KIAA1614: variants seen among roughly 807,000 people sequenced by gnomAD.
KIAA1614 encodes the protein KIAA1614.
In KIAA1614, 76 loss-of-function variants were observed where a neutral mutation model predicts 88.7. That is an observed-to-expected ratio of 0.86 (90% confidence interval 0.71 to 1.04). The LOEUF is 1.04. KIAA1614 is among the 50% of genes least tolerant of loss of function. The probability of loss-of-function intolerance (pLI) is 0.00; values close to 1 mark genes in which losing one functional copy is unlikely to be tolerated. For synonymous variants in KIAA1614, 714 were observed against 675.5 expected (o/e 1.06, Z -0.88); for missense variants, 1,553 against 1,582.5 (o/e 0.98, Z 0.32).
At chr1:180,932,664 T>A (rs1654223615) in intron 4 of KIAA1614, among the ~76,000 whole-genome samples, 1 of 152,210 alleles carries the variant, frequency 6.6e-6, no homozygotes, top group African/African-American at 2.4e-5. Context: ...TGCTGAAATC[T>A]CAAAGCAGGC....
intron 1 of KIAA1614, 75 bp downstream of exon 1, chr1:180,913,368 C>T (rs901020056): frequency 1.9e-6 from 2 of 1,027,884 alleles, no homozygotes; most frequent in African/African-American, 3.3e-5. Flanking sequence ...GCGGGGAGCC[C>T]AGGTCGCCCC....
chr1:180,950,260 T>A lies in KIAA1614; in HGVS notation c.*4672T>A. ...CTCCCTGTGCCACACAAACAGCACC[T>A]CATCAACATGGTCAGCATTCCAGAG... On this transcript the variant is annotated 3_prime_UTR_variant, in exon 9 of 9. Transcript: ENST00000367588. 1.0e-6 allele frequency: 1 copy of A among 1,002,312 alleles called. No individual in the cohort carries two copies. The highest frequency in any genetic ancestry group is 1.3e-6 in the Non-Finnish European group (1 of 791,112). The allele number at this position is 1,002,312 out of a possible 1,614,324, so 62.1% of individuals were successfully genotyped here.
chr1:180,934,030 A>G (rs1243608457), intron 4 of KIAA1614, among the ~76,000 whole-genome samples: 1 of 152,198 alleles, frequency 6.6e-6, no homozygotes, highest in Non-Finnish European at 1.5e-5. Flanking sequence ...CGAGGCAGGC[A>G]GATCACCTGA....
rs528895429 is a variant in KIAA1614, at chr1:180,935,006, C to T, written c.1206-109C>T. 3 of 814,940 alleles carry T rather than the reference C, an allele frequency of 3.7e-6. No individual in the cohort carries two copies. The highest frequency in any genetic ancestry group is 3.6e-5 in the African/African-American group (2 of 56,036). The allele number at this position is 814,940 out of a possible 1,614,324, so 50.5% of individuals were successfully genotyped here. Reference sequence around the variant, plus strand: ...GTAACCTTGTGGGTTGCGGTTGCCACAGAGCACGGTGGGAGACTGTAGCCC... The same window carrying T: ...GTAACCTTGTGGGTTGCGGTTGCCATAGAGCACGGTGGGAGACTGTAGCCC... On this transcript the variant is annotated intron_variant, in intron 4 of 8. Transcript: ENST00000367588. The surrounding 1 kb of genome is among the most constrained non-coding windows in gnomAD (Gnocchi z 6.1).
Position 180,916,590 on chromosome 1 carries a change from A to G in KIAA1614, c.487A>G (p.Arg163Gly), listed in dbSNP as rs764625322. 13 of 1,606,120 alleles carry G rather than the reference A, an allele frequency of 8.1e-6. No individual in the cohort carries two copies. The Admixed American group carries it at 2.0e-4, about 25-fold the overall frequency. The change falls in exon 2 of 9, where the codon AGG becomes GGG. Residue 163 changes from arginine (R) to glycine (G), a missense_variant. Physicochemically the swap from Arg to Gly is moderately radical, Grantham distance 125. Transcript: ENST00000367588. ...CAGCATCAATGAGGAGCAACCCGCC[A>G]GGGATGGAGGCCCCAGGCTTCCCAG... is the stretch of plus-strand genomic sequence containing the variant. ...DGSINEEQPA[R>G]DGGPRLPRPP... is the part of the protein sequence containing the mutation.
chr1:180,927,858 C>G (rs1175685076), intron 3 of KIAA1614, among the ~76,000 whole-genome samples: 1 of 152,158 alleles, frequency 6.6e-6, no homozygotes, highest in Non-Finnish European at 1.5e-5. Context: ...TGGATTGGGA[C>G]TAAGGCAAGA....
rs1374775994 is a variant in KIAA1614, at chr1:180,944,718, G to C, written c.3287+202G>C. The C allele has an allele frequency of 2.2e-5, 11 of 493,406 alleles. 1 individual carries two copies. Among genetic ancestry groups the C allele is most frequent in the Middle Eastern group, 1.1e-3 (2 of 1,888 alleles). 30.6% of individuals were successfully genotyped at this position (493,406 alleles called of 1,614,324 possible). A position where few individuals can be genotyped will look rare whatever the true frequency, so the allele number is the denominator to read the frequency against. ...CCTGCATGGACCCTCGGTGCATTGG[G>C]CTCTGAGAAGGCCTGGGGTCGCTGG... On this transcript the variant is annotated intron_variant, in intron 8 of 8. Transcript: ENST00000367588.
At chr1:180,933,767 C>G (rs1225883161) in intron 4 of KIAA1614, among the ~76,000 whole-genome samples, 3 of 152,186 alleles carry the variant, frequency 2.0e-5, no homozygotes, top group Admixed American at 6.5e-5. Flanking sequence ...CTCCCCAGCA[C>G]AGCAGTGCCA....
In KIAA1614 at chr1:180,935,321, G is replaced by A; in HGVS notation, c.1412G>A (p.Arg471His). 2.7e-6 allele frequency: 4 copies of A among 1,478,524 alleles called. No individual in the cohort carries two copies. The East Asian group carries it at 7.5e-5, about 28-fold the overall frequency. The allele number at this position is 1,478,524 out of a possible 1,614,324, so 91.6% of individuals were successfully genotyped here. A position where few individuals can be genotyped will look rare whatever the true frequency, so the allele number is the denominator to read the frequency against. Reference protein sequence around the residue: ...EFRHLERLQQRQRQVLSTVLQ... With the variant: ...EFRHLERLQQHQRQVLSTVLQ... ...CGTCACCTGGAGCGGCTGCAGCAGC[G>A]CCAGCGCCAGGTGCTGAGCACCGTG... The change falls in exon 5 of 9, where the codon CGC becomes CAC. Residue 471 changes from arginine (R) to histidine (H), a missense_variant. Physicochemically the swap from Arg to His is conservative, Grantham distance 29. Transcript: ENST00000367588. This position sits in a 1 kb window ranked among gnomAD's most constrained non-coding sequence, Gnocchi z 6.1.
In KIAA1614 at chr1:180,945,427, C is replaced by T. The variant is rs763116496; in HGVS notation, c.3412C>T (p.Arg1138Cys). The T allele has an allele frequency of 2.5e-6, 4 of 1,608,514 alleles. No individual in the cohort carries two copies. The highest frequency in any genetic ancestry group is 2.2e-5 in the East Asian group (1 of 44,790). Residue 1138 changes from arginine (R) to cysteine (C), a missense_variant, in exon 9 of 9, where the codon CGC becomes TGC. Transcript: ENST00000367588. ...CGGCACCAGCCAGCTGCAGCTGCAG[C>T]GCTCCCCAGGGGGCACTTTCGGCTT... is the stretch of plus-strand genomic sequence containing the variant. Reference protein sequence around the residue: ...PDGTSQLQLQRSPGGTFGFCV... With the variant: ...PDGTSQLQLQCSPGGTFGFCV...
chr1:180,945,407 C>A lies in KIAA1614; in HGVS notation c.3392C>A (p.Thr1131Asn). 1 of 1,605,098 alleles carries A rather than the reference C, an allele frequency of 6.2e-7. No individual in the cohort carries two copies. The highest frequency in any genetic ancestry group is 2.2e-5 in the East Asian group (1 of 44,720). ...GRLVEVFPDGTSQLQLQRSPG... is the reference protein window; with the variant it reads ...GRLVEVFPDGNSQLQLQRSPG... The stretch of plus-strand genomic sequence containing the variant: ...CTGGTGGAGGTGTTCCCAGACGGCA[C>A]CAGCCAGCTGCAGCTGCAGCGCTCC... Residue 1131 changes from threonine (T) to asparagine (N), a missense_variant, in exon 9 of 9, where the codon ACC (threonine) becomes AAC (asparagine). Physicochemically the swap from Thr to Asn is moderately conservative, Grantham distance 65. Transcript: ENST00000367588.
In KIAA1614 at chr1:180,950,456, G is replaced by A. The variant is rs1558076060; in HGVS notation, c.*4868G>A. 4.2e-6 allele frequency: 5 copies of A among 1,177,504 alleles called. No individual in the cohort carries two copies. The highest frequency in any genetic ancestry group is 1.6e-5 in the African/African-American group (1 of 60,696). 72.9% of individuals were successfully genotyped at this position (1,177,504 alleles called of 1,614,324 possible). ...GGCCAAGGTGGCAGGGCTGGGCTTG[G>A]CTCACATTAAGGAGCTCCTGGCCCA... On this transcript the variant is annotated 3_prime_UTR_variant, in exon 9 of 9. Coordinates refer to ENST00000367588, the MANE Select transcript of KIAA1614 (RefSeq NM_020950.2).
Position 180,935,189 on chromosome 1 carries a change from C to A in KIAA1614, c.1280C>A (p.Thr427Lys). The A allele has an allele frequency of 6.7e-7, 1 of 1,483,470 alleles. No homozygotes were observed. The highest frequency in any genetic ancestry group is 1.4e-5 in the South Asian group (1 of 71,574). 91.9% of individuals were successfully genotyped at this position (1,483,470 alleles called of 1,614,324 possible). The change falls in exon 5 of 9, where the codon ACG (threonine) becomes AAG (lysine). Residue 427 changes from threonine (T) to lysine (K), a missense_variant. Transcript: ENST00000367588. This position sits in a 1 kb window ranked among gnomAD's most constrained non-coding sequence, Gnocchi z 6.1. ...AGAGACAGCCTCCAGAACGGGCACA[C>A]GAGCGATTCCTCCAGCGGAGAGTCC... ...ACRDSLQNGH[T>K]SDSSSGESSG...
At chr1:180,941,334 C>T (rs749751263) in intron 7 of KIAA1614, 49 bp downstream of exon 7, 2 of 1,557,210 alleles carry the variant, frequency 1.3e-6, no homozygotes, top group Middle Eastern at 1.7e-4. Flanking sequence ...AGCGGTGCAA[C>T]CACCATCAGA....
chr1:180,924,693 C>T (rs1188585402), intron 3 of KIAA1614, among the ~76,000 whole-genome samples: 1 of 152,064 alleles, frequency 6.6e-6, no homozygotes, highest in Admixed American at 6.5e-5. Context: ...CTGTCAAGGG[C>T]TTTTCAAAGT....
At chr1:180,924,987 T>A (rs2102261730) in intron 3 of KIAA1614, among the ~76,000 whole-genome samples, 1 of 152,172 alleles carries the variant, frequency 6.6e-6, no homozygotes, top group African/African-American at 2.4e-5. Flanking sequence ...TCACTTATCT[T>A]AACAACTGAG....
rs368708029 is a variant in KIAA1614, at chr1:180,945,173, G to A, written c.3288-130G>A. 6.7e-5 allele frequency: 78 copies of A among 1,158,928 alleles called. 1 individual carries two copies. Among genetic ancestry groups the A allele is most frequent in the East Asian group, 5.9e-4 (21 of 35,732 alleles). The allele number at this position is 1,158,928 out of a possible 1,614,324, so 71.8% of individuals were successfully genotyped here. On this transcript the variant is annotated intron_variant, in intron 8 of 8. Transcript: ENST00000367588. ...TAGCAGGCTCTTTTTGCTGGCTGAA[G>A]TCAGCAGAACCCCAGCCTCCAATGC...
At chr1:180,936,912 C>G (rs145799961) in intron 5 of KIAA1614, among the ~76,000 whole-genome samples, 1 of 152,144 alleles carries the variant, frequency 6.6e-6, no homozygotes, top group Admixed American at 6.5e-5. Flanking sequence ...AACTCCCTCC[C>G]GGGGGAGGCA....
intron 7 of KIAA1614, among the ~76,000 whole-genome samples, chr1:180,942,141 G>C (rs1439139303): frequency 6.6e-6 from 1 of 151,300 alleles, no homozygotes; most frequent in Non-Finnish European, 1.5e-5. Context: ...GTTTAGTTGG[G>C]TTTTTGTCTC....
Sources: gnomAD v4.1 joint callset for allele counts (sites outside exome capture counted in the v4.1 genomes callset) on GRCh38, gnomAD v4.1.1 for gene constraint, Gnocchi (gnomAD v3.1) non-coding constraint, MANE v1.5 for transcripts, NCBI Gene and HGNC (gene_info 2026-07-23, HGNC 2026-07-21) for gene names.